HHAT: variants seen among roughly 807,000 people sequenced by gnomAD.
The protein encoded by HHAT is hedgehog acyltransferase.
In HHAT, 47 loss-of-function variants were observed where a neutral mutation model predicts 70.8. That is an observed-to-expected ratio of 0.66 (90% CI 0.53 to 0.85). The LOEUF (loss-of-function observed/expected upper bound fraction) is 0.85. HHAT is among the 40% of genes least tolerant of loss of function. The pLI, the probability that HHAT is intolerant of heterozygous loss-of-function variation, is 0.00. For synonymous variants in HHAT, 228 were observed against 247.6 expected, an observed-to-expected ratio of 0.92 and a Z score of 0.74; for missense variants, 609 against 604.8, an observed-to-expected ratio of 1.01 and a Z score of -0.07.
intron 3 of HHAT, among the ~76,000 whole-genome samples, chr1:210,375,571 A>C (rs928043951): frequency 4.7e-5 from 7 of 148,208 alleles, no homozygotes; most frequent in Non-Finnish European, 9.1e-5. Context: ...CATTCTGCCA[A>C]GCTCTGTCTT....
intron 9 of HHAT, among the ~76,000 whole-genome samples, chr1:210,574,980 TG>T (rs1218218256): frequency 6.6e-6 from 1 of 152,076 alleles, no homozygotes; most frequent in Non-Finnish European, 1.5e-5. Context: ...GAGGCAGGGA[TG>T]GAAAGGAAAC....
chr1:210,396,386 G>A lies in HHAT; in HGVS notation c.274-4082G>A, dbSNP rs188190331. Among the ~76,000 whole-genome samples the A allele has an allele frequency of 3.2e-4, 49 of 152,240 alleles. No homozygotes were observed. The Middle Eastern group carries it at 0.01, about 32-fold the overall frequency. On this transcript the variant is annotated intron_variant, in intron 4 of 11. Coordinates refer to ENST00000261458, the MANE Select transcript of HHAT (RefSeq NM_018194.6). Reference sequence around the variant, plus strand: ...GATAAATTCAAATTAAAACCACAACGAGATGTCATTACACACTTACCAGAA... The same window carrying A: ...GATAAATTCAAATTAAAACCACAACAAGATGTCATTACACACTTACCAGAA...
intron 3 of HHAT, among the ~76,000 whole-genome samples, chr1:210,368,318 A>G (rs988496989): frequency 1.3e-5 from 2 of 152,078 alleles, no homozygotes; most frequent in East Asian, 1.9e-4. Flanking sequence ...AAAAAAATGT[A>G]TGTATTTTTT....
intron 1 of HHAT, among the ~76,000 whole-genome samples, chr1:210,333,918 A>G (rs1332547877): frequency 6.6e-6 from 1 of 152,094 alleles, no homozygotes; most frequent in Non-Finnish European, 1.5e-5. Context: ...TGGCCTCCCA[A>G]AGTGCTGGAA....
At chr1:210,426,330 A>C (rs1369035492) in intron 7 of HHAT, among the ~76,000 whole-genome samples, 2 of 152,072 alleles carry the variant, frequency 1.3e-5, no homozygotes, top group Admixed American at 6.6e-5. Context: ...GATACACTTT[A>C]TTTCTTTCTC....
chr1:210,371,407 C>T (rs1033958920), intron 3 of HHAT, among the ~76,000 whole-genome samples: 3 of 152,182 alleles, frequency 2.0e-5, no homozygotes, highest in African/African-American at 4.8e-5. Flanking sequence ...GCCTTGGCCT[C>T]CCAAAGTGCT....
intron 1 of HHAT, among the ~76,000 whole-genome samples, chr1:210,344,429 T>G (rs1463719982): frequency 6.6e-6 from 1 of 152,134 alleles, no homozygotes; most frequent in African/African-American, 2.4e-5. Flanking sequence ...CCCACAGCTG[T>G]GCCCATTAGG....
chr1:210,594,864 C>G (rs985386867), intron 10 of HHAT, among the ~76,000 whole-genome samples: 1 of 152,094 alleles, frequency 6.6e-6, no homozygotes, highest in Admixed American at 6.6e-5. Flanking sequence ...TCTTGCTACC[C>G]TCCCCTGAAC....
At chr1:210,450,607 C>CT (rs35916715) in intron 7 of HHAT, among the ~76,000 whole-genome samples, 14,770 of 140,848 alleles carry the variant, frequency 0.1, 1,240 homozygotes, top group African/African-American at 0.23. Flanking sequence ...CATTGTAAAT[C>CT]TTTTTTTTTT....
At chr1:210,371,233 C>T (rs1300843637) in intron 3 of HHAT, among the ~76,000 whole-genome samples, 1 of 152,156 alleles carries the variant, frequency 6.6e-6, no homozygotes, top group Non-Finnish European at 1.5e-5. Flanking sequence ...TTCACTGTAA[C>T]CTCTGCCTCC....
In HHAT at chr1:210,387,455, T is replaced by C. The variant is rs779406604; in HGVS notation, c.160-13T>C. On this transcript the variant is annotated splice_polypyrimidine_tract_variant and intron_variant, in intron 3 of 11. Transcript: ENST00000261458. ...ACTGAAATCCCTCTGATAAACTATT[T>C]TGTCCTATTTAGGATGCGACCGACT... The C allele has an allele frequency of 8.7e-6, 14 of 1,608,540 alleles. No homozygotes were observed. The highest frequency in any genetic ancestry group is 8.5e-7 in the Non-Finnish European group (1 of 1,175,094).
intron 11 of HHAT, among the ~76,000 whole-genome samples, chr1:210,630,261 G>T (rs963031052): frequency 5.3e-5 from 8 of 152,152 alleles, no homozygotes; most frequent in Non-Finnish European, 1.0e-4. Flanking sequence ...CCCTATTGCT[G>T]TGTGAGGTGA....
intron 10 of HHAT, among the ~76,000 whole-genome samples, chr1:210,592,584 T>G (rs1246370849): frequency 6.6e-6 from 1 of 152,102 alleles, no homozygotes; most frequent in Non-Finnish European, 1.5e-5. Flanking sequence ...TCCTTAGTAT[T>G]TTGATAGAGA....
At chr1:210,651,014 A>G (rs1335995506) in intron 11 of HHAT, among the ~76,000 whole-genome samples, 1 of 152,226 alleles carries the variant, frequency 6.6e-6, no homozygotes, top group Non-Finnish European at 1.5e-5. Context: ...CAGGAGCCAC[A>G]CAATCTCATC....
intron 8 of HHAT, among the ~76,000 whole-genome samples, chr1:210,512,657 G>T (rs1413770979): frequency 7.6e-6 from 1 of 132,000 alleles, no homozygotes; most frequent in Non-Finnish European, 1.6e-5. Flanking sequence ...GGTGACAAAG[G>T]AAGACCTTGT....
chr1:210,619,834 C>T (rs1668490987), intron 10 of HHAT, among the ~76,000 whole-genome samples: 1 of 152,202 alleles, frequency 6.6e-6, no homozygotes, highest in Non-Finnish European at 1.5e-5. Context: ...CAGACCAGAG[C>T]TCTCTTTTAT....
chr1:210,475,120 C>G (rs1298889104), intron 8 of HHAT, among the ~76,000 whole-genome samples: 2 of 152,070 alleles, frequency 1.3e-5, no homozygotes, highest in Non-Finnish European at 2.9e-5. Context: ...CTTAGCCTCC[C>G]AAAGTGTTGG....
chr1:210,511,716 G>A (rs552445401), intron 8 of HHAT, among the ~76,000 whole-genome samples: 7 of 151,158 alleles, frequency 4.6e-5, no homozygotes, highest in Admixed American at 3.3e-4. Flanking sequence ...ACCACCACCC[G>A]TTAGGTGTTG....
At chr1:210,442,185 A>G (rs531215610) in intron 7 of HHAT, among the ~76,000 whole-genome samples, 13 of 141,682 alleles carry the variant, frequency 9.2e-5, no homozygotes, top group Non-Finnish European at 1.4e-4. Context: ...TGAACTCATC[A>G]TTTTTTATGG....
Sources: gnomAD v4.1 joint callset for allele counts (sites outside exome capture counted in the v4.1 genomes callset) on GRCh38, gnomAD v4.1.1 for gene constraint, MANE v1.5 for transcripts, NCBI Gene and HGNC (gene_info 2026-07-23, HGNC 2026-07-21) for gene names.